The following GABRA3 variants were observed in gnomAD, a reference collection of about 807,000 sequenced individuals.
GABRA3 encodes the protein gamma-aminobutyric acid receptor subunit alpha-3.
GABRA3 carries 10 observed loss-of-function variants against 30.1 expected under a neutral mutation model. The observed-to-expected ratio is 0.33, with a 90% confidence interval of 0.20 to 0.56. GABRA3 has a LOEUF of 0.56. Among genes scored for constraint, GABRA3 ranks in the 20% least tolerant of loss-of-function variants. The pLI, the probability that GABRA3 is intolerant of heterozygous loss-of-function variation, is 0.89. For synonymous variants in GABRA3, 151 were observed against 146.8 expected (o/e 1.03, Z -0.21); for missense variants, 233 against 392.0 (o/e 0.59, Z 3.42).
chrX:152,189,793 G>A lies in GABRA3; in HGVS notation c.1080C>T (p.Asn360=), dbSNP rs1937299882. Residue 360 remains asparagine, a synonymous_variant, in exon 9 of 10, where the codon AAC becomes AAT. Transcript: ENST00000370314. ...AAGCCCAACTCCGCTTGGTGAAATAGTTGACAGTGGCAAATTCAATCAGTG... is the reference window on the plus strand; with the variant it reads ...AAGCCCAACTCCGCTTGGTGAAATAATTGACAGTGGCAAATTCAATCAGTG... The part of the protein sequence containing the change: ...FSALIEFATV[N]YFTKRSWAWE... The A allele has an allele frequency of 8.3e-7, 1 of 1,208,352 alleles. No homozygotes were observed. The highest frequency in any genetic ancestry group is 1.1e-6 in the Non-Finnish European group (1 of 894,542).
Position 152,299,367 on chromosome X carries a change from G to A in GABRA3, c.263-14632C>T, listed in dbSNP as rs140148490. Among the ~76,000 whole-genome samples the A allele has an allele frequency of 4.6e-3, 508 of 110,620 alleles. 3 individuals carry two copies. Among genetic ancestry groups the A allele is most frequent in the African/African-American group, 0.016 (484 of 30,216 alleles). ...AAGTGAAGCTGAACTGATGCCTGGG[G>A]TATGGCTCAGTTTGAGGCTGTGGGT... On this transcript the variant is annotated intron_variant, in intron 3 of 9. Coordinates refer to ENST00000370314, the MANE Select transcript of GABRA3 (RefSeq NM_000808.4).
At position 152,303,813 on chromosome X, in the gene GABRA3, G is replaced by A. The variant is rs5925159; in HGVS notation, c.263-19078C>T. On this transcript the variant is annotated intron_variant, in intron 3 of 9. Coordinates refer to ENST00000370314, the MANE Select transcript of GABRA3 (RefSeq NM_000808.4). ...ACATCACACTCTGGGGCCTGTCAGG[G>A]GGTGGGGGCCAACGGGGGGAGAGCA... Among the ~76,000 whole-genome samples, 866 of 109,640 alleles carry A rather than the reference G, an allele frequency of 7.9e-3. 5 individuals carry two copies. The highest frequency in any genetic ancestry group is 0.011 in the Non-Finnish European group (595 of 52,638).
intron 1 of GABRA3, among the ~76,000 whole-genome samples, chrX:152,372,073 T>C (rs1271415474): frequency 9.0e-6 from 1 of 111,399 alleles, no homozygotes. Flanking sequence ...ACCACCCCCA[T>C]GACTGCAATG....
At chrX:152,233,051 T>A (rs189148679) in intron 5 of GABRA3, among the ~76,000 whole-genome samples, 27 of 111,820 alleles carry the variant, frequency 2.4e-4, no homozygotes, top group Admixed American at 1.8e-3. Context: ...ATTATGGTTT[T>A]AATTTGCATT....
At chrX:152,376,059 AC>A (rs1928988752) in intron 1 of GABRA3, among the ~76,000 whole-genome samples, 1 of 111,930 alleles carries the variant, frequency 8.9e-6, no homozygotes, top group East Asian at 2.8e-4. Context: ...GGTTGCTGAA[AC>A]TAACTTTTGC....
At chrX:152,398,524 A>G (rs768485000) in intron 1 of GABRA3, among the ~76,000 whole-genome samples, 51 of 111,481 alleles carry the variant, frequency 4.6e-4, no homozygotes, top group African/African-American at 1.7e-3. Flanking sequence ...ACTGCCACCC[A>G]TCTAACAACC....
chrX:152,246,054 C>T (rs1055995750), intron 5 of GABRA3, among the ~76,000 whole-genome samples: 4 of 111,453 alleles, frequency 3.6e-5, no homozygotes, highest in Non-Finnish European at 5.7e-5. Context: ...AAGAAGAGAC[C>T]GAGACCCAGA....
intron 3 of GABRA3, among the ~76,000 whole-genome samples, chrX:152,291,486 A>C (rs1461801232): frequency 1.8e-5 from 2 of 111,433 alleles, no homozygotes; most frequent in Admixed American, 9.5e-5. Context: ...CTCTTTTCCT[A>C]ATTGAATACC....
At chrX:152,411,436 G>A (rs746619535) in intron 1 of GABRA3, among the ~76,000 whole-genome samples, 13 of 111,489 alleles carry the variant, frequency 1.2e-4, no homozygotes, top group Admixed American at 1.9e-4. Flanking sequence ...TATTTGAGCA[G>A]CGGAAAAAAA....
At chrX:152,176,355 C>T (rs1044549424) in intron 9 of GABRA3, among the ~76,000 whole-genome samples, 3 of 111,147 alleles carry the variant, frequency 2.7e-5, no homozygotes, top group Admixed American at 9.6e-5. Context: ...TGTGTAGGCA[C>T]TGAAAGTAAA....
At chrX:152,394,519 T>C (rs1484260383) in intron 1 of GABRA3, 2 of 385,076 alleles carry the variant, frequency 5.2e-6, no homozygotes, top group Non-Finnish European at 1.0e-5. Flanking sequence ...CATGAGCTGA[T>C]ACCAGGTTAT....
At position 152,438,891 on chromosome X, in the gene GABRA3, A is replaced by G. The variant is rs150117755; in HGVS notation, c.-27+12255T>C. On this transcript the variant is annotated intron_variant, in intron 1 of 9. Coordinates refer to ENST00000370314, the MANE Select transcript of GABRA3 (RefSeq NM_000808.4). ...AGAAACTATTCTATATTATACAATA[A>G]TGGTGGATATATGTTATACATTGTC... is the stretch of plus-strand genomic sequence containing the variant. Among the ~76,000 whole-genome samples the G allele has an allele frequency of 7.4e-3, 819 of 110,976 alleles. 11 individuals are homozygous for G. Among genetic ancestry groups the G allele is most frequent in the African/African-American group, 0.025 (748 of 30,527 alleles).
intron 1 of GABRA3, among the ~76,000 whole-genome samples, chrX:152,373,529 C>A (rs934392976): frequency 2.7e-5 from 3 of 111,951 alleles, no homozygotes; most frequent in Admixed American, 9.5e-5. Context: ...TTTTCCTCTG[C>A]AACTTTGCCA....
intron 8 of GABRA3, among the ~76,000 whole-genome samples, chrX:152,194,435 G>A (rs1937360441): frequency 1.8e-5 from 2 of 110,726 alleles, no homozygotes; most frequent in South Asian, 7.5e-4. Context: ...ATTTTTTTAG[G>A]TCTGCACAGA....
At chrX:152,315,593 A>G (rs758526597) in intron 3 of GABRA3, among the ~76,000 whole-genome samples, 1 of 111,440 alleles carries the variant, frequency 9.0e-6, no homozygotes, top group African/African-American at 3.3e-5. Context: ...GGAAGCTGGT[A>G]GCCTGAGACA....
At chrX:152,287,967 C>A (rs184943314) in intron 3 of GABRA3, among the ~76,000 whole-genome samples, 1 of 110,996 alleles carries the variant, frequency 9.0e-6, no homozygotes, top group African/African-American at 3.3e-5. Flanking sequence ...CTGTTCCCCA[C>A]ACTGTTTCTT....
chrX:152,204,772 C>T (rs1937518911), intron 7 of GABRA3, among the ~76,000 whole-genome samples: 1 of 111,878 alleles, frequency 8.9e-6, no homozygotes, highest in African/African-American at 3.3e-5. Context: ...TAACAAAGTA[C>T]TACACCCTGG....
intron 1 of GABRA3, among the ~76,000 whole-genome samples, chrX:152,422,680 A>C (rs2124539367): frequency 9.0e-6 from 1 of 111,571 alleles, no homozygotes; most frequent in African/African-American, 3.2e-5. Flanking sequence ...GATTTTCTAT[A>C]ATGTAATGTA....
chrX:152,347,390 A>C (rs1241623600), intron 2 of GABRA3, among the ~76,000 whole-genome samples: 1 of 111,657 alleles, frequency 9.0e-6, no homozygotes, highest in Non-Finnish European at 1.9e-5. Flanking sequence ...TAATGTGTAT[A>C]AAATAATAAA....
Sources: allele counts gnomAD v4.1 joint callset (sites outside exome capture counted in the v4.1 genomes callset), GRCh38; gene constraint gnomAD v4.1.1; transcripts MANE v1.5; gene names NCBI Gene and HGNC (gene_info 2026-07-23, HGNC 2026-07-21).